Variants in ABTB2 observed in about 807,000 individuals in gnomAD.
ABTB2 encodes ankyrin repeat and BTB domain containing 2, also known as ankyrin repeat and BTB/POZ domain-containing protein 2.
In ABTB2, 56 loss-of-function variants were observed where a neutral mutation model predicts 104.1. The observed-to-expected ratio is 0.54, with a 90% CI of 0.43 to 0.67. The LOEUF (loss-of-function observed/expected upper bound fraction) is 0.67, where lower values mean the gene tolerates loss of function less well. ABTB2 is among the 30% of genes least tolerant of loss of function. The pLI is 0.00. For synonymous variants in ABTB2, 606 were observed against 608.2 expected (o/e 1.00, Z 0.05); for missense variants, 1,279 against 1,407.7 (o/e 0.91, Z 1.46).
chr11:34,293,969 TG>T (rs1486548596), intron 1 of ABTB2, among the ~76,000 whole-genome samples: 1 of 152,180 alleles, frequency 6.6e-6, no homozygotes, highest in Non-Finnish European at 1.5e-5. Context: ...CTTGGGAATC[TG>T]GGTAAATGAA....
chr11:34,348,730 A>C (rs1221716478), intron 1 of ABTB2, among the ~76,000 whole-genome samples: 1 of 152,204 alleles, frequency 6.6e-6, no homozygotes, highest in African/African-American at 2.4e-5. Flanking sequence ...AGGAGCTGGG[A>C]GGATTAAATG....
chr11:34,357,413 G>A lies in ABTB2; in HGVS notation c.171C>T (p.Tyr57=), dbSNP rs1335537450. The stretch of plus-strand genomic sequence containing the variant: ...TGTGGCGGCTGTTCATGGAGCCGGA[G>A]TAGCACCACCAGGCCGCCCCGCGGT... ...QQHRGAAWWC[Y]SGSMNSRHNS... is the part of the protein sequence containing the mutation. The change falls in exon 1 of 17, where the codon TAC becomes TAT. Residue 57 remains tyrosine, a synonymous_variant. Coordinates refer to ENST00000435224, the MANE Select transcript of ABTB2 (RefSeq NM_145804.3). The A allele has an allele frequency of 5.2e-6, 8 of 1,548,768 alleles. No individual in the cohort carries two copies. The highest frequency in any genetic ancestry group is 6.1e-6 in the Non-Finnish European group (7 of 1,146,318).
At chr11:34,180,758 C>G (rs1230242577) in intron 3 of ABTB2, among the ~76,000 whole-genome samples, 2 of 152,222 alleles carry the variant, frequency 1.3e-5, no homozygotes, top group East Asian at 3.8e-4. Flanking sequence ...CCATAACAGT[C>G]TCTCTCATCT....
At chr11:34,306,271 G>A (rs1317066320) in intron 1 of ABTB2, among the ~76,000 whole-genome samples, 3 of 107,914 alleles carry the variant, frequency 2.8e-5, no homozygotes, top group Non-Finnish European at 5.1e-5. Context: ...TTTTTGAGAC[G>A]GAGTCTTCTC....
At chr11:34,268,480 C>G (rs1590235312) in intron 1 of ABTB2, among the ~76,000 whole-genome samples, 1 of 152,312 alleles carries the variant, frequency 6.6e-6, no homozygotes, top group Non-Finnish European at 1.5e-5. Context: ...GATTCCTGCT[C>G]TGCCACTAGC....
intron 1 of ABTB2, among the ~76,000 whole-genome samples, chr11:34,300,358 C>A (rs952583136): frequency 3.3e-5 from 5 of 152,168 alleles, no homozygotes; most frequent in African/African-American, 1.2e-4. Flanking sequence ...AATTACAAAA[C>A]CCTACCATTT....
chr11:34,276,071 C>T (rs1854378695), intron 1 of ABTB2, among the ~76,000 whole-genome samples: 1 of 152,126 alleles, frequency 6.6e-6, no homozygotes, highest in Non-Finnish European at 1.5e-5. Flanking sequence ...TTGGGTATTA[C>T]CAGTGTGGGA....
intron 1 of ABTB2, among the ~76,000 whole-genome samples, chr11:34,255,912 A>G (rs1854117062): frequency 6.6e-6 from 1 of 152,230 alleles, no homozygotes; most frequent in Admixed American, 6.5e-5. Context: ...AATGGCCTCA[A>G]GGACATTCCA....
intron 1 of ABTB2, among the ~76,000 whole-genome samples, chr11:34,260,512 G>A (rs897569523): frequency 1.3e-5 from 2 of 152,122 alleles, no homozygotes; most frequent in African/African-American, 4.8e-5. Context: ...AAAAGGCAGC[G>A]GAATCCCCAG....
At chr11:34,317,758 T>C (rs1388608171) in intron 1 of ABTB2, among the ~76,000 whole-genome samples, 1 of 50,436 alleles carries the variant, frequency 2.0e-5, no homozygotes, top group Non-Finnish European at 3.6e-5. Context: ...CAAAATCCTG[T>C]CTCAAAAAAA....
intron 1 of ABTB2, among the ~76,000 whole-genome samples, chr11:34,218,778 G>A (rs1853578667): frequency 6.7e-6 from 1 of 149,158 alleles, no homozygotes; most frequent in Non-Finnish European, 1.5e-5. Context: ...CCCAGGAGGT[G>A]GAGGTTGCTG....
chr11:34,193,652 A>G (rs1853210166), intron 3 of ABTB2, among the ~76,000 whole-genome samples: 1 of 152,258 alleles, frequency 6.6e-6, no homozygotes, highest in Non-Finnish European at 1.5e-5. Context: ...GTAGGTAGAA[A>G]TGGGCTTTAA....
chr11:34,284,305 G>A (rs547376723), intron 1 of ABTB2, among the ~76,000 whole-genome samples: 19 of 152,346 alleles, frequency 1.2e-4, no homozygotes, highest in African/African-American at 4.3e-4. Context: ...GGTGATTAAT[G>A]AGCAAATGAC....
chr11:34,171,133 G>A, intron 4 of ABTB2, 62 bp from the exon 5 acceptor site: 2 of 1,556,532 alleles, frequency 1.3e-6, no homozygotes, highest in Non-Finnish European at 1.8e-6. Flanking sequence ...TCAATGATGT[G>A]ACACACATGT....
At chr11:34,162,457 G>A in intron 10 of ABTB2, 119 bp downstream of exon 10, 1 of 1,124,370 alleles carries the variant, frequency 8.9e-7, no homozygotes, top group South Asian at 1.5e-5. Flanking sequence ...CAGCTGCCCT[G>A]GGGCTTGTCT....
At chr11:34,229,654 C>G (rs1342179614) in intron 1 of ABTB2, among the ~76,000 whole-genome samples, 6 of 152,066 alleles carry the variant, frequency 3.9e-5, no homozygotes, top group Admixed American at 1.3e-4. Flanking sequence ...GAATAAAGCT[C>G]TCTCACTAGT....
intron 6 of ABTB2, 67 bp downstream of exon 6, chr11:34,167,836 T>A: frequency 6.5e-7 from 1 of 1,527,792 alleles, no homozygotes; most frequent in Non-Finnish European, 9.0e-7. Context: ...CCAGCGTGTT[T>A]GTTGGAGCCC....
intron 16 of ABTB2, among the ~76,000 whole-genome samples, chr11:34,153,651 T>C (rs1048570369): frequency 3.9e-5 from 6 of 152,178 alleles, no homozygotes; most frequent in South Asian, 2.1e-4. Flanking sequence ...GCCATGGTTT[T>C]TGAACTTTTG....
At chr11:34,257,313 G>A (rs1322888999) in intron 1 of ABTB2, among the ~76,000 whole-genome samples, 2 of 152,222 alleles carry the variant, frequency 1.3e-5, no homozygotes, top group African/African-American at 4.8e-5. Context: ...AAAAGCGACT[G>A]CAGCATTTAG....
Sources: allele counts gnomAD v4.1 joint callset (sites outside exome capture counted in the v4.1 genomes callset), GRCh38; gene constraint gnomAD v4.1.1; transcripts MANE v1.5; gene names NCBI Gene and HGNC (gene_info 2026-07-23, HGNC 2026-07-21).